The following MYH11 variants were observed in gnomAD, a reference collection of about 807,000 sequenced individuals.
The protein encoded by MYH11 is myosin heavy chain 11, also known as myosin-11.
MYH11 carries 80 observed loss-of-function variants against 246.6 expected under a neutral mutation model. The observed-to-expected ratio is 0.32, with a 90% CI of 0.27 to 0.39. The LOEUF (loss-of-function observed/expected upper bound fraction) is 0.39. MYH11 is among the 10% of genes least tolerant of loss of function. The pLI is 1.00. For missense variants in MYH11, 2,158 were observed against 2,546.8 expected (o/e 0.85, Z 3.29); for synonymous variants, 1,071 against 1,015.5 (o/e 1.05, Z -1.04).
At chr16:15,799,887 T>A (rs1431084599) in intron 3 of MYH11, among the ~76,000 whole-genome samples, 1 of 152,180 alleles carries the variant, frequency 6.6e-6, no homozygotes. Flanking sequence ...TGGTAGGTGC[T>A]GAATTATGCT....
intron 4 of MYH11, among the ~76,000 whole-genome samples, chr16:15,795,304 C>CAAA (rs1179878788): frequency 6.8e-6 from 1 of 146,240 alleles, no homozygotes; most frequent in East Asian, 2.1e-4. Flanking sequence ...ACAAAAAAAT[C>CAAA]AACAACAACA....
chr16:15,758,015 T>C lies in MYH11; in HGVS notation c.1402-15A>G. On this transcript the variant is annotated splice_polypyrimidine_tract_variant and intron_variant, in intron 12 of 40. Transcript: ENST00000300036. The stretch of plus-strand genomic sequence containing the variant: ...AAGGAGTTCACCTGAGCACATGGCG[T>C]GGGGGCGGGGCGTGAGCATCTTGGT... 6.2e-7 allele frequency: 1 copy of C among 1,613,174 alleles called. No individual in the cohort carries two copies. Among genetic ancestry groups the C allele is most frequent in the South Asian group, 1.1e-5 (1 of 91,038 alleles).
intron 40 of MYH11, chr16:15,714,190 A>AAGC (rs1220226821): frequency 6.5e-6 from 1 of 153,184 alleles, no homozygotes; most frequent in African/African-American, 2.4e-5. Context: ...AGGGTGGTGG[A>AAGC]AGCAGCCCTT....
At chr16:15,727,195 T>A in intron 27 of MYH11, 141 bp from the exon 28 acceptor site, 1 of 740,068 alleles carries the variant, frequency 1.4e-6, no homozygotes. Context: ...GATTTGGGGT[T>A]TTTTTGTTGT....
At chr16:15,727,137 A>G in intron 27 of MYH11, 83 bp from the exon 28 acceptor site, 1 of 1,319,202 alleles carries the variant, frequency 7.6e-7, no homozygotes, top group Non-Finnish European at 1.1e-6. Context: ...CCTCCCTCAG[A>G]GAGGTCCAGG....
intron 1 of MYH11, among the ~76,000 whole-genome samples, chr16:15,844,200 T>C (rs1223201225): frequency 6.6e-6 from 1 of 152,062 alleles, no homozygotes. Context: ...TGCTAAACAA[T>C]GCAGTAAACT....
intron 22 of MYH11, among the ~76,000 whole-genome samples, chr16:15,740,990 C>T (rs773160204): frequency 1.2e-4 from 18 of 152,138 alleles, no homozygotes; most frequent in Non-Finnish European, 2.5e-4. Flanking sequence ...CCTCCAACAG[C>T]TGTGTGAATA....
chr16:15,831,354 G>T (rs216168), intron 2 of MYH11, among the ~76,000 whole-genome samples: 122,740 of 151,926 alleles, frequency 0.81, 50,047 homozygotes, highest in African/African-American at 0.91. Flanking sequence ...AAACATATTT[G>T]AAGTCTGACT....
At position 15,720,895 on chromosome 16, in the gene MYH11, C is replaced by T. The variant is rs369751362; in HGVS notation, c.4735G>A (p.Asp1579Asn). Residue 1579 changes from aspartate to asparagine, a missense_variant, in exon 33 of 41, where the codon GAT becomes AAT. Asp to Asn is a conservative substitution (Grantham distance 23). Around this residue, in one of 11 missense-constraint regions of MYH11, gnomAD observed 1,013 missense variants for 993.5 expected, o/e 1.02. Transcript: ENST00000300036. ...TTCTGCTCGTCCCGGGCTTGGAGAT[C>T]CCTTTCGAACTGGCCCTTGAGCGCC... ...MQALKGQFER[D>N]LQARDEQNEE... 4.2e-5 allele frequency: 68 copies of T among 1,614,012 alleles called. No homozygotes were observed. The East Asian group carries it at 5.6e-4, about 13-fold the overall frequency.
Position 15,768,197 on chromosome 16 carries a change from G to A in MYH11, c.1033+3372C>T, listed in dbSNP as rs146388959. Among the ~76,000 whole-genome samples the A allele has an allele frequency of 4.2e-3, 635 of 152,286 alleles. 1 individual carries two copies. Among genetic ancestry groups the A allele is most frequent in the Middle Eastern group, 0.017 (5 of 294 alleles). On this transcript the variant is annotated intron_variant, in intron 9 of 40. Coordinates refer to ENST00000300036, the MANE Select transcript of MYH11 (RefSeq NM_002474.3). ...ACAGTGGCCTTACACCTCTCTTCTT[G>A]CTGAGGAATAAGAAACAGGACTTTC...
At chr16:15,791,636 A>G (rs936449364) in intron 4 of MYH11, 1 of 150,400 alleles carries the variant, frequency 6.6e-6, no homozygotes, top group Non-Finnish European at 1.5e-5. Context: ...TTACCCCATT[A>G]TAAAATGGGT....
chr16:15,710,146 T>C (rs2039697112), intron 40 of MYH11, among the ~76,000 whole-genome samples: 1 of 152,176 alleles, frequency 6.6e-6, no homozygotes, highest in African/African-American at 2.4e-5. Context: ...AATGGTCTTT[T>C]TGTTCCACTT....
intron 10 of MYH11, among the ~76,000 whole-genome samples, chr16:15,763,549 A>T (rs542436955): frequency 1.4e-4 from 21 of 152,114 alleles, no homozygotes; most frequent in East Asian, 1.3e-3. Flanking sequence ...TTTTGTATTT[A>T]AAAAAAAGAA....
At chr16:15,735,926 T>C (rs1181082225) in intron 25 of MYH11, among the ~76,000 whole-genome samples, 2 of 151,718 alleles carry the variant, frequency 1.3e-5, no homozygotes, top group Non-Finnish European at 2.9e-5. Flanking sequence ...GTTGGACAGT[T>C]CTTCTTCCCT....
At chr16:15,724,056 G>C in intron 31 of MYH11, 105 bp downstream of exon 31, 1 of 1,577,496 alleles carries the variant, frequency 6.3e-7, no homozygotes, top group South Asian at 1.1e-5. Flanking sequence ...CCACAGAGTG[G>C]AGAGGGGATG....
rs1194866590 is a variant in MYH11 at position 15,759,690 on chromosome 16, A to G, written c.1287T>C (p.Tyr429=). The part of the protein sequence containing the change: ...FAVEALAKAT[Y]ERLFRWILTR... The stretch of plus-strand genomic sequence containing the variant: ...TGAGTATCCAGCGGAAAAGGCGCTC[A>G]TATGTTGCCTTGGCCAAAGCCTCTA... The change falls in exon 12 of 41, where the codon TAT becomes TAC. Residue 429 remains tyrosine (Y), a synonymous_variant. Transcript: ENST00000300036. 1.2e-6 allele frequency: 2 copies of G among 1,614,236 alleles called. No homozygotes were observed. The highest frequency in any genetic ancestry group is 1.3e-5 in the African/African-American group (1 of 75,062).
intron 10 of MYH11, among the ~76,000 whole-genome samples, chr16:15,761,341 G>C (rs1336817243): frequency 1.3e-5 from 2 of 152,138 alleles, no homozygotes; most frequent in Admixed American, 6.5e-5. Flanking sequence ...TCGAAGTCCT[G>C]AACTCAGGCA....
At chr16:15,826,886 G>A (rs1416159857) in intron 2 of MYH11, among the ~76,000 whole-genome samples, 1 of 151,380 alleles carries the variant, frequency 6.6e-6, no homozygotes. Context: ...CCAGCTACTC[G>A]GCAGGCTGAG....
chr16:15,829,991 A>T (rs1355174429), intron 2 of MYH11, among the ~76,000 whole-genome samples: 2 of 151,996 alleles, frequency 1.3e-5, no homozygotes, highest in Admixed American at 6.6e-5. Context: ...AAAAATTAGC[A>T]AGGTGTGGTG....
Sources: gnomAD v4.1 joint callset for allele counts (sites outside exome capture counted in the v4.1 genomes callset) on GRCh38, gnomAD v4.1.1 for gene constraint, gnomAD v4.1.1 regional missense constraint, MANE v1.5 for transcripts, NCBI Gene and HGNC (gene_info 2026-07-23, HGNC 2026-07-21) for gene names.